Variants in TMEM35A observed in about 807,000 individuals in gnomAD.
TMEM35A encodes transmembrane protein 35A.
For synonymous variants in TMEM35A, 50 were observed against 54.7 expected (o/e 0.91, Z 0.38); for missense variants, 83 against 132.7 (o/e 0.63, Z 1.84).
chrX:101,093,403 T>C (rs2089329734), intron 1 of TMEM35A, among the ~76,000 whole-genome samples: 2 of 110,979 alleles, frequency 1.8e-5, no homozygotes, highest in Non-Finnish European at 3.8e-5. Flanking sequence ...AACTTCTGCC[T>C]CCTGGGTTCA....
chrX:101,084,136 C>T (rs1280072112), intron 1 of TMEM35A, among the ~76,000 whole-genome samples: 1 of 92,526 alleles, frequency 1.1e-5, no homozygotes, highest in Non-Finnish European at 2.1e-5. Flanking sequence ...TGTGCTGAAC[C>T]GAGATCACAC....
chrX:101,087,801 T>C (rs56966709), intron 1 of TMEM35A, among the ~76,000 whole-genome samples: 11,109 of 111,198 alleles, frequency 0.1, 1,396 homozygotes, highest in African/African-American at 0.34. Flanking sequence ...GTCAGGAGTT[T>C]GAGACGAGCC....
intron 1 of TMEM35A, among the ~76,000 whole-genome samples, chrX:101,083,712 G>A (rs183982807): frequency 2.7e-5 from 3 of 111,670 alleles, no homozygotes; most frequent in Non-Finnish European, 5.6e-5. Flanking sequence ...AGGAAACCGA[G>A]ACCCTGAGAG....
Position 101,095,085 on chromosome X carries a change from G to T in TMEM35A, c.*129G>T. 1.3e-6 allele frequency: 1 copy of T among 772,508 alleles called. No homozygotes were observed. The highest frequency in any genetic ancestry group is 1.8e-6 in the Non-Finnish European group (1 of 556,422). 63.7% of individuals were successfully genotyped at this position (772,508 alleles called of 1,213,427 possible). A position where few individuals can be genotyped will look rare whatever the true frequency, so the allele number is the denominator to read the frequency against. ...TGAAAAATGTAATCTGCAAGTTAAT[G>T]ACCCTATTGGCTTGTGTACATCTAT... On this transcript the variant is annotated 3_prime_UTR_variant, in exon 2 of 2. Transcript: ENST00000372930.
In TMEM35A at chrX:101,078,889, C is replaced by T; in HGVS notation, c.-114C>T. 2.0e-6 allele frequency: 2 copies of T among 1,008,973 alleles called. No individual in the cohort carries two copies. The highest frequency in any genetic ancestry group is 2.7e-6 in the Non-Finnish European group (2 of 734,412). 83.2% of individuals were successfully genotyped at this position (1,008,973 alleles called of 1,213,427 possible). On this transcript the variant is annotated 5_prime_UTR_variant, in exon 1 of 2. Transcript: ENST00000372930. ...CCCTCCTCTCCCTTTGTCATTCTAG[C>T]TGCCTGCTGCCTCCGCAGCGTCCCC...
At position 101,079,011 on chromosome X, in the gene TMEM35A, C is replaced by A; in HGVS notation, c.9C>A (p.Ser3=). 1 of 1,211,464 alleles carries A rather than the reference C, an allele frequency of 8.3e-7. No individual in the cohort carries two copies. The highest frequency in any genetic ancestry group is 3.0e-5 in the East Asian group (1 of 33,817). Residue 3 remains serine, a synonymous_variant, in exon 1 of 2, where the codon TCC becomes TCA. Transcript: ENST00000372930. MA[S]PRTVTIVALS... is the part of the protein sequence containing the mutation. ...CCTGCCTTGGCGACCCCATGGCATC[C>A]CCCAGAACCGTAACTATTGTGGCCC...
chrX:101,089,991 G>T (rs2089318654), intron 1 of TMEM35A, among the ~76,000 whole-genome samples: 1 of 111,073 alleles, frequency 9.0e-6, no homozygotes, highest in African/African-American at 3.3e-5. Context: ...CTTCTGAGAG[G>T]TCAAGTTGGC....
At chrX:101,094,198 C>G (rs762489053) in intron 1 of TMEM35A, among the ~76,000 whole-genome samples, 16 of 110,274 alleles carry the variant, frequency 1.5e-4, no homozygotes, top group Non-Finnish European at 2.3e-4. Flanking sequence ...TCGCTGCAAT[C>G]TCCATCTCCC....
chrX:101,090,994 C>G (rs185782300), intron 1 of TMEM35A, among the ~76,000 whole-genome samples: 3 of 110,868 alleles, frequency 2.7e-5, no homozygotes, highest in Non-Finnish European at 1.9e-5. Context: ...TGTGCCACCA[C>G]GCCTGGGTAA....
intron 1 of TMEM35A, among the ~76,000 whole-genome samples, chrX:101,083,298 G>T (rs1287741729): frequency 8.9e-6 from 1 of 111,936 alleles, no homozygotes; most frequent in Non-Finnish European, 1.9e-5. Context: ...ATAAATAGTT[G>T]GCTTGCTTTA....
intron 1 of TMEM35A, 193 bp from the exon 2 acceptor site, chrX:101,094,380 G>A: frequency 2.9e-6 from 1 of 348,521 alleles, no homozygotes; most frequent in Non-Finnish European, 4.7e-6. Context: ...CTCCCAAAGT[G>A]CTGAGATTAC....
rs757641231 is a variant in TMEM35A at position 101,095,098 on chromosome X, T to C, written c.*142T>C. 1.7e-4 allele frequency: 116 copies of C among 674,979 alleles called. 1 individual carries two copies. The highest frequency in any genetic ancestry group is 2.3e-4 in the Non-Finnish European group (108 of 474,169). 55.6% of individuals were successfully genotyped at this position (674,979 alleles called of 1,213,427 possible). ...CTGCAAGTTAATGACCCTATTGGCT[T>C]GTGTACATCTATATGCTAAAATGAC... is the stretch of plus-strand genomic sequence containing the variant. On this transcript the variant is annotated 3_prime_UTR_variant, in exon 2 of 2. Transcript: ENST00000372930.
intron 1 of TMEM35A, among the ~76,000 whole-genome samples, chrX:101,091,856 C>T (rs948740013): frequency 5.4e-5 from 6 of 111,343 alleles, no homozygotes; most frequent in Admixed American, 3.9e-4. Flanking sequence ...ATCTTGCAAA[C>T]ACCTGCTCTA....
chrX:101,079,209 C>A, intron 1 of TMEM35A, 87 bp downstream of exon 1: 1 of 1,093,115 alleles, frequency 9.1e-7, no homozygotes, highest in Non-Finnish European at 1.2e-6. Context: ...TTTCTGGTCC[C>A]ACCCCCTTAG....
At chrX:101,094,396 T>C in intron 1 of TMEM35A, 177 bp from the exon 2 acceptor site, 1 of 406,062 alleles carries the variant, frequency 2.5e-6, no homozygotes, top group Non-Finnish European at 4.0e-6. Flanking sequence ...ATTACAGGTG[T>C]GAGCCACTGT....
At chrX:101,088,970 C>A (rs1331964669) in intron 1 of TMEM35A, among the ~76,000 whole-genome samples, 2 of 110,418 alleles carry the variant, frequency 1.8e-5, no homozygotes, top group Non-Finnish European at 3.8e-5. Flanking sequence ...GCTACCATCA[C>A]CAGGATGCAA....
chrX:101,090,309 C>T (rs1178449232), intron 1 of TMEM35A, among the ~76,000 whole-genome samples: 2 of 105,833 alleles, frequency 1.9e-5, no homozygotes, highest in South Asian at 4.2e-4. Flanking sequence ...CATGCCACCA[C>T]GCCCGGCTAA....
intron 1 of TMEM35A, among the ~76,000 whole-genome samples, chrX:101,091,358 G>T (rs1374392320): frequency 9.8e-6 from 1 of 101,529 alleles, no homozygotes; most frequent in Non-Finnish European, 2.0e-5. Context: ...GCTGCAGTAC[G>T]TTGGCACGAT....
intron 1 of TMEM35A, among the ~76,000 whole-genome samples, chrX:101,084,412 A>G (rs2089300845): frequency 9.7e-6 from 1 of 102,774 alleles, no homozygotes; most frequent in African/African-American, 3.6e-5. Context: ...TTTTTTGCCA[A>G]AATATATTTT....
Sources: allele counts gnomAD v4.1 joint callset (sites outside exome capture counted in the v4.1 genomes callset), GRCh38; gene constraint gnomAD v4.1.1; transcripts MANE v1.5; gene names NCBI Gene and HGNC (gene_info 2026-07-23, HGNC 2026-07-21).